The following RTL1 variants were observed in gnomAD, a reference collection of about 807,000 sequenced individuals.
RTL1 encodes the protein retrotransposon Gag like 1.
For synonymous variants in RTL1, 727 were observed against 748.4 expected (o/e 0.97, Z 0.47); for missense variants, 1,681 against 1,767.5 (o/e 0.95, Z 0.88).
In RTL1 at chr14:100,892,665, C is replaced by T. The variant is rs1055442558; in HGVS notation, c.-87+779G>A. On this transcript the variant is annotated intron_variant, in intron 3 of 3. Transcript: ENST00000649591. ...GTGGCTCCTCTGGAACCATAATTATCGGCGACAATGGTGCACAGACCCAGC... is the reference window on the plus strand; with the variant it reads ...GTGGCTCCTCTGGAACCATAATTATTGGCGACAATGGTGCACAGACCCAGC... 3.9e-5 allele frequency among the ~76,000 whole-genome samples: 6 copies of T among 152,100 alleles called. No individual in the cohort carries two copies. The East Asian group carries it at 5.8e-4, about 15-fold the overall frequency.
intron 3 of RTL1, among the ~76,000 whole-genome samples, chr14:100,888,544 C>T (rs2038725234): frequency 6.6e-6 from 1 of 152,080 alleles, no homozygotes; most frequent in African/African-American, 2.4e-5. Flanking sequence ...CTTCCTAGGA[C>T]AATATATAAA....
chr14:100,887,551 C>G (rs1364143473), intron 3 of RTL1, among the ~76,000 whole-genome samples: 1 of 152,130 alleles, frequency 6.6e-6, no homozygotes, highest in African/African-American at 2.4e-5. Context: ...GTCAAGGGTT[C>G]TAGGTCAGCC....
intron 3 of RTL1, among the ~76,000 whole-genome samples, chr14:100,888,041 A>T (rs2038717361): frequency 6.6e-6 from 1 of 152,138 alleles, no homozygotes; most frequent in African/African-American, 2.4e-5. Context: ...AAATATGTTT[A>T]CAATCCAGTT....
rs111241221 is a variant in RTL1, at chr14:100,881,425, G to A, written c.3364C>T (p.Arg1122Cys). 9.4e-4 allele frequency: 1,462 copies of A among 1,550,764 alleles called. 5 individuals are homozygous for A. In the African/African-American group the frequency reaches 0.016, roughly 17 times the overall value. ...GAATCCAGGATGAGTCGTAGGGAGC[G>A]CTGGGGCTGGGGCCGAGCCACCCGC... ...AMRVARPQPQ[R>C]SLRLILDSSL... is the part of the protein sequence containing the mutation. Residue 1122 changes from arginine (R) to cysteine (C), a missense_variant, in exon 4 of 4, where the codon CGC becomes TGC. By Grantham distance (180) the Arg-to-Cys change is radical. Transcript: ENST00000649591. This position sits in a 1 kb window ranked among gnomAD's most constrained non-coding sequence, Gnocchi z 6.6.
chr14:100,900,804 C>T (rs771741735), intron 2 of RTL1, among the ~76,000 whole-genome samples: 2 of 152,208 alleles, frequency 1.3e-5, no homozygotes, highest in Admixed American at 6.5e-5. Context: ...CACCCTGCAT[C>T]GCGCCCCCTC....
At chr14:100,901,678 G>A (rs2038944033) in intron 2 of RTL1, among the ~76,000 whole-genome samples, 1 of 152,172 alleles carries the variant, frequency 6.6e-6, no homozygotes, top group Admixed American at 6.5e-5. Context: ...GCCCCAGAGA[G>A]GACACAGGCC....
At chr14:100,903,044 A>C (rs2038964268) in intron 2 of RTL1, among the ~76,000 whole-genome samples, 1 of 152,234 alleles carries the variant, frequency 6.6e-6, no homozygotes, top group African/African-American at 2.4e-5. Context: ...TAGATGCAGC[A>C]GGCAGCATAA....
chr14:100,883,395 G>C lies in RTL1; in HGVS notation c.1394C>G (p.Ser465Trp), dbSNP rs1294954105. Reference sequence around the variant, plus strand: ...CCAGACAGGCTCGTTGCCAATCAGCGAGCCGTCCACGGATTGGACCGGCTG... The same window carrying C: ...CCAGACAGGCTCGTTGCCAATCAGCCAGCCGTCCACGGATTGGACCGGCTG... Reference protein sequence around the residue: ...YPQPVQSVDGSLIGNEPVWLY... With the variant: ...YPQPVQSVDGWLIGNEPVWLY... Residue 465 changes from serine to tryptophan, a missense_variant, in exon 4 of 4, where the codon TCG (serine) becomes TGG (tryptophan). Physicochemically the swap from Ser to Trp is radical, Grantham distance 177. Transcript: ENST00000649591. This position sits in a 1 kb window ranked among gnomAD's most constrained non-coding sequence, Gnocchi z 5.9. 3 of 1,549,728 alleles carry C rather than the reference G, an allele frequency of 1.9e-6. No individual in the cohort carries two copies. Among genetic ancestry groups the C allele is most frequent in the Non-Finnish European group, 2.6e-6 (3 of 1,145,726 alleles).
rs929574130 is a variant in RTL1 at position 100,883,643 on chromosome 14, G to A, written c.1146C>T (p.Ile382=). ...TCCACCTCTCTGGAGCAGGTGAGTC[G>A]ATCCAGGTCAGGTTCCGGGGGCGGG... ...PEARPRNLTW[I]DSPAPERWMV... Residue 382 remains isoleucine (I), a synonymous_variant, in exon 4 of 4, where the codon ATC becomes ATT. Transcript: ENST00000649591. This position sits in a 1 kb window ranked among gnomAD's most constrained non-coding sequence, Gnocchi z 5.9. The A allele has an allele frequency of 1.1e-5, 17 of 1,551,024 alleles. No homozygotes were observed. The highest frequency in any genetic ancestry group is 9.6e-5 in the African/African-American group (7 of 72,896).
chr14:100,885,847 G>A (rs1330822808), intron 3 of RTL1, among the ~76,000 whole-genome samples: 1 of 152,166 alleles, frequency 6.6e-6, no homozygotes, highest in African/African-American at 2.4e-5. Context: ...CTTAACGCCA[G>A]TGGGTCTGGT....
At chr14:100,898,708 C>T (rs1294673933) in intron 2 of RTL1, among the ~76,000 whole-genome samples, 4 of 152,198 alleles carry the variant, frequency 2.6e-5, no homozygotes, top group South Asian at 2.1e-4. Context: ...TTAGGCTTTG[C>T]GCGGCCGTGC....
intron 2 of RTL1, among the ~76,000 whole-genome samples, chr14:100,896,304 G>A (rs2038855517): frequency 6.6e-6 from 1 of 152,140 alleles, no homozygotes; most frequent in Non-Finnish European, 1.5e-5. Context: ...GGGTAAAGAA[G>A]TTCTCGAAGG....
Position 100,883,806 on chromosome 14 carries a change from T to G in RTL1, c.983A>C (p.Gln328Pro). The G allele has an allele frequency of 6.4e-7, 1 of 1,551,682 alleles. No homozygotes were observed. Among genetic ancestry groups the G allele is most frequent in the Non-Finnish European group, 8.7e-7 (1 of 1,146,984 alleles). The change falls in exon 4 of 4, where the codon CAG becomes CCG. Residue 328 changes from glutamine (Q) to proline (P), a missense_variant. Physicochemically the swap from Gln to Pro is moderately conservative, Grantham distance 76. Transcript: ENST00000649591. This position sits in a 1 kb window ranked among gnomAD's most constrained non-coding sequence, Gnocchi z 5.9. ...GTGCCTGATCTCCTCGTTGAGCCCC[T>G]GGCACAAGTGGGCCTGCAGGACTTC... is the stretch of plus-strand genomic sequence containing the variant. ...PDEVLQAHLC[Q>P]GLNEEIRHYL...
In RTL1 at chr14:100,884,351, C is replaced by T; in HGVS notation, c.438G>A (p.Arg146=). The T allele has an allele frequency of 6.4e-7, 1 of 1,556,824 alleles. No individual in the cohort carries two copies. The change falls in exon 4 of 4, where the codon AGG becomes AGA. Residue 146 remains arginine (R), a synonymous_variant. Transcript: ENST00000649591. The part of the protein sequence containing the change: ...EAHTDLKESG[R]EETPQEQNQT... ...GGTTTTGCTCTTGAGGAGTCTCCTC[C>T]CTTCCCGATTCCTTCAGGTCAGTGT...
chr14:100,899,890 C>T (rs928728049), intron 2 of RTL1, among the ~76,000 whole-genome samples: 1 of 152,302 alleles, frequency 6.6e-6, no homozygotes, highest in Non-Finnish European at 1.5e-5. Context: ...AGACGGGCAG[C>T]TGCTCCCTTT....
chr14:100,895,034 T>A (rs1442222367), intron 2 of RTL1: 2 of 152,258 alleles, frequency 1.3e-5, no homozygotes, highest in Non-Finnish European at 2.9e-5. Context: ...CTTGGTGCCC[T>A]GACAGGTATG....
rs2038691862 is a variant in RTL1, at chr14:100,885,911, AC to A, written c.-86-1038del. The stretch of plus-strand genomic sequence containing the variant: ...CTCTGTTGCTGGTTGAGCCCTCCCA[AC>A]AGACATGTATCTGGCAGAGTTGGGA... On this transcript the variant is annotated intron_variant, in intron 3 of 3. Transcript: ENST00000649591. 2.0e-5 allele frequency among the ~76,000 whole-genome samples: 3 copies of A among 152,122 alleles called. No homozygotes were observed. The South Asian group carries it at 6.2e-4, about 32-fold the overall frequency.
intron 3 of RTL1, among the ~76,000 whole-genome samples, chr14:100,886,852 C>T (rs561581888): frequency 3.3e-5 from 5 of 152,256 alleles, no homozygotes; most frequent in African/African-American, 1.2e-4. Flanking sequence ...CTTAGCAAGA[C>T]GATTTAAAAA....
chr14:100,880,876 G>T lies in RTL1; in HGVS notation c.3913C>A (p.Gln1305Lys), dbSNP rs1013052211. ...TGCTCCCGGCTGAGCAGGTGCAGCT[G>T]GCCATCTGCACTGTGGATGTGGAGC... is the stretch of plus-strand genomic sequence containing the variant. ...RLLHIHSADG[Q>K]LHLLSREQAA... Residue 1305 changes from glutamine to lysine, a missense_variant, in exon 4 of 4, where the codon CAG becomes AAG. Physicochemically the swap from Gln to Lys is moderately conservative, Grantham distance 53 (BLOSUM62 1). Transcript: ENST00000649591. 2 of 1,535,894 alleles carry T rather than the reference G, an allele frequency of 1.3e-6. No homozygotes were observed. Among genetic ancestry groups the T allele is most frequent in the Non-Finnish European group, 1.8e-6 (2 of 1,139,606 alleles).
Sources: gnomAD v4.1 joint callset for allele counts (sites outside exome capture counted in the v4.1 genomes callset) on GRCh38, gnomAD v4.1.1 for gene constraint, Gnocchi (gnomAD v3.1) non-coding constraint, MANE v1.5 for transcripts, NCBI Gene and HGNC (gene_info 2026-07-23, HGNC 2026-07-21) for gene names.